The following TAC1 variants were observed in gnomAD, a reference collection of about 807,000 sequenced individuals.
The protein encoded by TAC1 is tachykinin precursor 1.
In TAC1, 12 loss-of-function variants were observed where a neutral mutation model predicts 21.7. That is an observed-to-expected ratio of 0.55 (90% CI 0.35 to 0.89). The LOEUF (loss-of-function observed/expected upper bound fraction) is 0.89. Among genes scored for constraint, TAC1 ranks in the 40% least tolerant of loss-of-function variants. The pLI is 0.01. For synonymous variants in TAC1, 52 were observed against 52.0 expected, an observed-to-expected ratio of 1.00 and a Z score of 0.00; for missense variants, 128 against 151.4, an observed-to-expected ratio of 0.85 and a Z score of 0.81.
intron 6 of TAC1, among the ~76,000 whole-genome samples, chr7:97,739,220 C>T (rs112841371): frequency 6.6e-5 from 10 of 152,006 alleles, no homozygotes; most frequent in African/African-American, 2.4e-4. Context: ...CAGTCCATCA[C>T]TGGGAGGTAT....
At chr7:97,738,812 C>G (rs886555242) in intron 6 of TAC1, among the ~76,000 whole-genome samples, 1 of 151,902 alleles carries the variant, frequency 6.6e-6, no homozygotes, top group Non-Finnish European at 1.5e-5. Flanking sequence ...TCTACTCTTT[C>G]TGTTTACATT....
At chr7:97,735,733 AGAG>A (rs1789562941) in intron 5 of TAC1, among the ~76,000 whole-genome samples, 1 of 152,204 alleles carries the variant, frequency 6.6e-6, no homozygotes, top group Admixed American at 6.5e-5. Context: ...TTGACTTTGA[AGAG>A]AATTATATAT....
At chr7:97,736,562 A>G (rs1380713083) in intron 6 of TAC1, among the ~76,000 whole-genome samples, 1 of 152,024 alleles carries the variant, frequency 6.6e-6, no homozygotes, top group Non-Finnish European at 1.5e-5. Flanking sequence ...CTCTCCAATC[A>G]CCATTCTTAC....
At chr7:97,734,733 A>C in intron 4 of TAC1, 93 bp from the exon 5 acceptor site, 5 of 960,572 alleles carry the variant, frequency 5.2e-6, no homozygotes, top group South Asian at 4.7e-5. Flanking sequence ...AAAATGTTAC[A>C]TATTTTGAGA....
Position 97,733,801 on chromosome 7 carries a change from A to G in TAC1, c.202A>G (p.Met68Val), listed in dbSNP as rs1789495639. The change falls in exon 3 of 7, where the codon ATG becomes GTG. Residue 68 changes from methionine (M) to valine (V), a missense_variant. Coordinates refer to ENST00000319273, the MANE Select transcript of TAC1 (RefSeq NM_003182.3). ...RPKPQQFFGL[M>V]GKRDADSSIE... ...CAAGCCTCAGCAGTTCTTTGGATTA[A>G]TGGGCAAACGGGATGCTGGTGAGAT... 2 of 1,614,002 alleles carry G rather than the reference A, an allele frequency of 1.2e-6. No individual in the cohort carries two copies. The highest frequency in any genetic ancestry group is 1.7e-5 in the Admixed American group (1 of 60,004).
chr7:97,736,501 A>T (rs1789577286), intron 6 of TAC1, 149 bp downstream of exon 6: 1 of 712,710 alleles, frequency 1.4e-6, no homozygotes. Context: ...TTGTAACCAC[A>T]AATGGATTTA....
intron 6 of TAC1, among the ~76,000 whole-genome samples, chr7:97,738,606 T>G (rs1255718652): frequency 6.6e-6 from 1 of 151,268 alleles, no homozygotes; most frequent in African/African-American, 2.4e-5. Flanking sequence ...GCCTCACAAG[T>G]GCATACTTAA....
chr7:97,735,607 T>A (rs1262868192), intron 5 of TAC1, among the ~76,000 whole-genome samples: 5 of 152,140 alleles, frequency 3.3e-5, no homozygotes, highest in Non-Finnish European at 5.9e-5. Flanking sequence ...GCAGCTCTAT[T>A]CTCAACTATT....
intron 6 of TAC1, among the ~76,000 whole-genome samples, chr7:97,739,216 A>G (rs559972150): frequency 1.3e-4 from 20 of 152,072 alleles, no homozygotes; most frequent in African/African-American, 4.3e-4. Context: ...AGGGCAGTCC[A>G]TCACTGGGAG....
chr7:97,733,576 T>G (rs1421674240), intron 2 of TAC1, 147 bp from the exon 3 acceptor site: 14 of 668,380 alleles, frequency 2.1e-5, no homozygotes, highest in Non-Finnish European at 2.5e-5. Context: ...AGGCAGCGCC[T>G]CGGGAGGGAC....
In TAC1 at chr7:97,736,198, A is replaced by G. The variant is rs1180706903; in HGVS notation, c.290-101A>G. 132 of 920,854 alleles carry G rather than the reference A, an allele frequency of 1.4e-4. 1 individual carries two copies. In the East Asian group the frequency reaches 3.1e-3, roughly 22 times the overall value. The allele number at this position is 920,854 out of a possible 1,614,324, so 57.0% of individuals were successfully genotyped here. ...CAAAACTTGAAGTAGATAGATATTT[A>G]TTATACAGACATATATTCAGAAGCT... On this transcript the variant is annotated intron_variant, in intron 5 of 6. Coordinates refer to ENST00000319273, the MANE Select transcript of TAC1 (RefSeq NM_003182.3).
chr7:97,732,978 T>TACG lies in TAC1; in HGVS notation c.123+243_123+244insACG. On this transcript the variant is annotated intron_variant, in intron 2 of 6. Transcript: ENST00000319273. This position sits in a 1 kb window ranked among gnomAD's most constrained non-coding sequence, Gnocchi z 6.2. ...GCCCAGGAACTCCCTGCAGTAGGGA[T>TACG]GCCCTCCCGGATGAGCCCGAGATCC... is the stretch of plus-strand genomic sequence containing the variant. 5 of 451,370 alleles carry TACG rather than the reference T, an allele frequency of 1.1e-5. No individual in the cohort carries two copies. The highest frequency in any genetic ancestry group is 7.4e-5 in the South Asian group (2 of 27,160). The allele number at this position is 451,370 out of a possible 1,614,324, so 28.0% of individuals were successfully genotyped here. A position where few individuals can be genotyped will look rare whatever the true frequency, so the allele number is the denominator to read the frequency against.
intron 6 of TAC1, among the ~76,000 whole-genome samples, chr7:97,737,213 G>A (rs1789592596): frequency 6.6e-6 from 1 of 151,820 alleles, no homozygotes; most frequent in Non-Finnish European, 1.5e-5. Context: ...AGGGCTTCTT[G>A]GAAAAGCTAT....
Position 97,733,739 on chromosome 7 carries a change from C to T in TAC1, c.140C>T (p.Pro47Leu), listed in dbSNP as rs745814826. The change falls in exon 3 of 7, where the codon CCC (proline) becomes CTC (leucine). Residue 47 changes from proline to leucine, a missense_variant. Pro to Leu is a moderately conservative substitution (Grantham distance 98, BLOSUM62 -3). Coordinates refer to ENST00000319273, the MANE Select transcript of TAC1 (RefSeq NM_003182.3). ...SDQIKEELPE[P>L]FEHLLQRIAR... ...GTCTCCCAGGAGGAACTGCCGGAGC[C>T]CTTTGAGCATCTTCTGCAGAGAATC... 3 of 1,613,944 alleles carry T rather than the reference C, an allele frequency of 1.9e-6. No individual in the cohort carries two copies. The highest frequency in any genetic ancestry group is 1.1e-5 in the South Asian group (1 of 91,086).
At chr7:97,739,845 A>G in intron 6 of TAC1, 29 bp from the exon 7 acceptor site, 5 of 1,589,202 alleles carry the variant, frequency 3.1e-6, no homozygotes, top group Non-Finnish European at 4.3e-6. Flanking sequence ...ATTCACTTAA[A>G]AAACACTTTA....
At chr7:97,734,116 T>G in intron 3 of TAC1, 132 bp from the exon 4 acceptor site, 1 of 876,912 alleles carries the variant, frequency 1.1e-6, no homozygotes, top group East Asian at 2.6e-5. Flanking sequence ...ATGATCCAAG[T>G]GCATGTGGAA....
In TAC1 at chr7:97,739,964, G is replaced by C; in HGVS notation, c.*44G>C. The C allele has an allele frequency of 6.8e-6, 9 of 1,333,076 alleles. No individual in the cohort carries two copies. The highest frequency in any genetic ancestry group is 9.5e-6 in the Non-Finnish European group (9 of 949,640). The allele number at this position is 1,333,076 out of a possible 1,614,324, so 82.6% of individuals were successfully genotyped here. On this transcript the variant is annotated 3_prime_UTR_variant, in exon 7 of 7. Coordinates refer to ENST00000319273, the MANE Select transcript of TAC1 (RefSeq NM_003182.3). ...TTATTCAGCTTCATTTGTGTCAATG[G>C]GCAATGACAGGTAAATTAAGACATG...
Position 97,736,890 on chromosome 7 carries a change from C to T in TAC1, c.343+538C>T, listed in dbSNP as rs183581219. 4.7e-3 allele frequency among the ~76,000 whole-genome samples: 714 copies of T among 152,092 alleles called. 3 individuals carry two copies. Among genetic ancestry groups the T allele is most frequent in the Non-Finnish European group, 7.3e-3 (497 of 67,872 alleles). Reference sequence around the variant, plus strand: ...GATGTTGGAGAGGACAAAAGTGATACGGTTTATTCCAGTACTTTCAAAAAG... The same window carrying T: ...GATGTTGGAGAGGACAAAAGTGATATGGTTTATTCCAGTACTTTCAAAAAG... On this transcript the variant is annotated intron_variant, in intron 6 of 6. Coordinates refer to ENST00000319273, the MANE Select transcript of TAC1 (RefSeq NM_003182.3).
At chr7:97,738,976 C>G (rs1789638101) in intron 6 of TAC1, among the ~76,000 whole-genome samples, 1 of 117,246 alleles carries the variant, frequency 8.5e-6, no homozygotes, top group South Asian at 2.9e-4. Context: ...GGTTACAGAT[C>G]CCTTTGAAAT....
Sources: allele counts gnomAD v4.1 joint callset (sites outside exome capture counted in the v4.1 genomes callset), GRCh38; gene constraint gnomAD v4.1.1; non-coding constraint Gnocchi (gnomAD v3.1); transcripts MANE v1.5; gene names NCBI Gene and HGNC (gene_info 2026-07-23, HGNC 2026-07-21).